CHN1: variants seen among roughly 807,000 people sequenced by gnomAD.
The protein encoded by CHN1 is chimerin 1.
A neutral mutation model predicts 59.5 loss-of-function variants in CHN1; 37 were observed. The ratio of observed to expected loss-of-function variants is 0.62; its 90% confidence interval spans 0.48 to 0.82. The LOEUF (loss-of-function observed/expected upper bound fraction) is 0.82, where lower values mean the gene tolerates loss of function less well. Ranked by LOEUF, CHN1 falls within the 40% of genes least tolerant of loss-of-function variation. CHN1 has a pLI of 0.00. For missense variants in CHN1, 469 were observed against 571.0 expected (o/e 0.82, Z 1.82); for synonymous variants, 206 against 200.4 (o/e 1.03, Z -0.24).
chr2:174,835,445 T>G (rs1686041195), intron 7 of CHN1, among the ~76,000 whole-genome samples: 1 of 152,190 alleles, frequency 6.6e-6, no homozygotes, highest in Non-Finnish European at 1.5e-5. Context: ...TTTATACAAT[T>G]TTTGGTCACT....
At chr2:174,930,950 A>C (rs1453165610) in intron 3 of CHN1, among the ~76,000 whole-genome samples, 1 of 152,006 alleles carries the variant, frequency 6.6e-6, no homozygotes. Context: ...CTGTATTTTC[A>C]GTAGAGACAG....
At chr2:174,976,906 A>C (rs568012290) in intron 1 of CHN1, among the ~76,000 whole-genome samples, 5 of 152,356 alleles carry the variant, frequency 3.3e-5, no homozygotes, top group Admixed American at 6.5e-5. Context: ...GTGCACAAAC[A>C]TCATAAAAGA....
chr2:174,858,488 G>A (rs762441368), intron 6 of CHN1, among the ~76,000 whole-genome samples: 4 of 152,156 alleles, frequency 2.6e-5, no homozygotes, highest in Non-Finnish European at 5.9e-5. Flanking sequence ...AATCACAGAT[G>A]TGTTAATTGT....
rs368233257 is a variant in CHN1, at chr2:174,918,622, A to C, written c.115-57T>G. ...GTAAAAATGCAAATGTGCAGAACAT[A>C]ACTCAACATTTTGTGCATGTGACAA... On this transcript the variant is annotated intron_variant, in intron 3 of 12. Coordinates refer to ENST00000409900, the MANE Select transcript of CHN1 (RefSeq NM_001822.7). The C allele has an allele frequency of 3.5e-4, 486 of 1,388,202 alleles. 1 individual carries two copies. The African/African-American group carries it at 6.3e-3, about 18-fold the overall frequency. The allele number at this position is 1,388,202 out of a possible 1,614,324, so 86.0% of individuals were successfully genotyped here.
chr2:174,960,174 T>C (rs1360444341), intron 1 of CHN1, among the ~76,000 whole-genome samples: 6 of 152,238 alleles, frequency 3.9e-5, no homozygotes, highest in Admixed American at 3.9e-4. Flanking sequence ...CAGTTCCTTC[T>C]GCATACCTTT....
At chr2:174,811,402 AATC>A in intron 10 of CHN1, 106 bp downstream of exon 10, 1 of 674,116 alleles carries the variant, frequency 1.5e-6, no homozygotes, top group East Asian at 2.9e-5. Flanking sequence ...TTGGTATAAT[AATC>A]ATCAATGATT....
chr2:174,829,801 G>C (rs1685810469), intron 7 of CHN1, among the ~76,000 whole-genome samples: 1 of 152,146 alleles, frequency 6.6e-6, no homozygotes, highest in African/African-American at 2.4e-5. Flanking sequence ...TGAGGGGAGA[G>C]AACAGATGAA....
At chr2:174,987,592 C>T (rs1691391140) in intron 1 of CHN1, among the ~76,000 whole-genome samples, 1 of 151,744 alleles carries the variant, frequency 6.6e-6, no homozygotes, top group African/African-American at 2.4e-5. Flanking sequence ...TATTAGCCCG[C>T]CACCAGCTAA....
rs1044179253 is a variant in CHN1, at chr2:174,883,444, T to A, written c.261-5316A>T. On this transcript the variant is annotated intron_variant, in intron 5 of 12. Coordinates refer to ENST00000409900, the MANE Select transcript of CHN1 (RefSeq NM_001822.7). ...ATCGGAAGGCTTGTACCTTTCCTGA[T>A]AGGAGACTGAAAGATTCTACTCTTG... 2.6e-5 allele frequency among the ~76,000 whole-genome samples: 4 copies of A among 152,160 alleles called. No individual in the cohort carries two copies. In the South Asian group the frequency reaches 8.3e-4, roughly 32 times the overall value.
At chr2:174,974,898 T>TACACACACACACACACAC (rs373940330) in intron 1 of CHN1, among the ~76,000 whole-genome samples, 34 of 144,368 alleles carry the variant, frequency 2.4e-4, no homozygotes, top group African/African-American at 8.6e-4. Flanking sequence ...AAATAATTAA[T>TACACACACACACACACAC]ACACACACAC....
At chr2:174,979,880 AAAAAC>A (rs567540328) in intron 1 of CHN1, among the ~76,000 whole-genome samples, 172 of 152,160 alleles carry the variant, frequency 1.1e-3, no homozygotes, top group African/African-American at 4.0e-3. Context: ...ACTCCATCTC[AAAAAC>A]AAAACAAAAC....
chr2:174,863,188 C>T (rs1016532911), intron 6 of CHN1, among the ~76,000 whole-genome samples: 16 of 152,136 alleles, frequency 1.1e-4, no homozygotes, highest in African/African-American at 2.9e-4. Flanking sequence ...GGAAGACCTA[C>T]GTAACTCAGT....
intron 5 of CHN1, among the ~76,000 whole-genome samples, chr2:174,894,419 A>G (rs751192992): frequency 6.6e-6 from 1 of 152,104 alleles, no homozygotes; most frequent in Non-Finnish European, 1.5e-5. Flanking sequence ...AACCATAATG[A>G]GATATCACTC....
At chr2:174,802,810 G>C (rs565961110) in intron 11 of CHN1, among the ~76,000 whole-genome samples, 2 of 152,100 alleles carry the variant, frequency 1.3e-5, no homozygotes, top group Non-Finnish European at 2.9e-5. Context: ...GAGGCCGAGG[G>C]GGGTGGGTCA....
intron 6 of CHN1, among the ~76,000 whole-genome samples, chr2:174,874,629 T>A (rs957835095): frequency 6.6e-6 from 1 of 152,000 alleles, no homozygotes; most frequent in Non-Finnish European, 1.5e-5. Flanking sequence ...AACAAAAAAA[T>A]AAAAACACTT....
intron 12 of CHN1, 116 bp from the exon 13 acceptor site, chr2:174,800,403 T>C (rs1048807071): frequency 3.8e-5 from 25 of 654,756 alleles, no homozygotes; most frequent in African/African-American, 5.6e-5. Flanking sequence ...TTATCAACTC[T>C]TCCACTAGGT....
intron 1 of CHN1, among the ~76,000 whole-genome samples, chr2:174,973,568 A>C (rs1407317703): frequency 6.6e-6 from 1 of 152,234 alleles, no homozygotes; most frequent in Non-Finnish European, 1.5e-5. Flanking sequence ...GCAAAAGATG[A>C]AGGATGCCTG....
At chr2:174,965,453 A>AT (rs1690564500) in intron 1 of CHN1, among the ~76,000 whole-genome samples, 1 of 152,052 alleles carries the variant, frequency 6.6e-6, no homozygotes, top group Non-Finnish European at 1.5e-5. Context: ...TAAGCTGTTT[A>AT]TTTTTTTAGG....
At chr2:174,842,639 C>G (rs1005679386) in intron 7 of CHN1, among the ~76,000 whole-genome samples, 2 of 152,170 alleles carry the variant, frequency 1.3e-5, no homozygotes, top group African/African-American at 4.8e-5. Context: ...CCCACGTCCT[C>G]GGGAGGAAAG....
Sources: gnomAD v4.1 joint callset for allele counts (sites outside exome capture counted in the v4.1 genomes callset) on GRCh38, gnomAD v4.1.1 for gene constraint, MANE v1.5 for transcripts, NCBI Gene and HGNC (gene_info 2026-07-23, HGNC 2026-07-21) for gene names.